The following AGO3 variants were observed in gnomAD, a reference collection of about 807,000 sequenced individuals.
AGO3 encodes protein argonaute-3.
AGO3 carries 16 observed loss-of-function variants against 105.5 expected under a neutral mutation model. The ratio of observed to expected loss-of-function variants is 0.15; its 90% CI spans 0.10 to 0.23. The LOEUF (loss-of-function observed/expected upper bound fraction) is 0.23, where lower values mean the gene tolerates loss of function less well. AGO3 is among the 10% of genes least tolerant of loss of function. AGO3 has a pLI of 1.00. For missense variants in AGO3, 534 were observed against 1,088.0 expected, an observed-to-expected ratio of 0.49 and a Z score of 7.16; for synonymous variants, 340 against 367.3, an observed-to-expected ratio of 0.93 and a Z score of 0.85.
intron 11 of AGO3, among the ~76,000 whole-genome samples, chr1:36,018,297 G>A (rs1641013902): frequency 6.6e-6 from 1 of 151,690 alleles, no homozygotes; most frequent in Non-Finnish European, 1.5e-5. Context: ...AAATTATGAT[G>A]TAGGTTAAGA....
rs1024653989 is a variant in AGO3 at position 35,931,356 on chromosome 1, C to A, written c.-71C>A. 58 of 1,366,612 alleles carry A rather than the reference C, an allele frequency of 4.2e-5. No homozygotes were observed. In the African/African-American group the frequency reaches 8.2e-4, roughly 19 times the overall value. 84.7% of individuals were successfully genotyped at this position (1,366,612 alleles called of 1,614,324 possible). On this transcript the variant is annotated 5_prime_UTR_variant, in exon 1 of 19. Coordinates refer to ENST00000373191, the MANE Select transcript of AGO3 (RefSeq NM_024852.4). ...TGCCCGTCGCGTCGCGCCGCGTCGC[C>A]CCCCGGGCCGCCTCCTTGCCGCCAG...
intron 5 of AGO3, among the ~76,000 whole-genome samples, chr1:36,002,710 T>A (rs1358286629): frequency 6.6e-6 from 1 of 151,954 alleles, no homozygotes; most frequent in Non-Finnish European, 1.5e-5. Context: ...CTGTTAAAGC[T>A]TTGAAAATAT....
At chr1:35,962,851 TTTC>T (rs1163264064) in intron 2 of AGO3, among the ~76,000 whole-genome samples, 1 of 152,234 alleles carries the variant, frequency 6.6e-6, no homozygotes, top group African/African-American at 2.4e-5. Context: ...TAGGAAAGTA[TTTC>T]TTAATACCTC....
intron 2 of AGO3, among the ~76,000 whole-genome samples, chr1:35,951,987 C>T (rs1646477471): frequency 6.6e-6 from 1 of 152,004 alleles, no homozygotes; most frequent in Non-Finnish European, 1.5e-5. Context: ...AATTTTAGAA[C>T]ATTTCATCCT....
Position 36,056,857 on chromosome 1 carries a change from T to G in AGO3, c.*1112T>G, listed in dbSNP as rs1416661980. The G allele has an allele frequency of 6.6e-6, 1 of 152,048 alleles. No individual in the cohort carries two copies. Among genetic ancestry groups the G allele is most frequent in the African/African-American group, 2.4e-5 (1 of 41,346 alleles). The allele number at this position is 152,048 out of a possible 1,614,324, so 9.4% of individuals were successfully genotyped here. A position where few individuals can be genotyped will look rare whatever the true frequency, so the allele number is the denominator to read the frequency against. ...CTCGGGTTCAAGCAATTCTCCTGCCTCAGCCTCCCGAGTAGCTGGGTTTAC... is the reference window on the plus strand; with the variant it reads ...CTCGGGTTCAAGCAATTCTCCTGCCGCAGCCTCCCGAGTAGCTGGGTTTAC... On this transcript the variant is annotated 3_prime_UTR_variant, in exon 19 of 19. Coordinates refer to ENST00000373191, the MANE Select transcript of AGO3 (RefSeq NM_024852.4).
At chr1:35,975,421 C>T (rs371735169) in intron 5 of AGO3, among the ~76,000 whole-genome samples, 2 of 151,874 alleles carry the variant, frequency 1.3e-5, no homozygotes, top group Admixed American at 6.6e-5. Flanking sequence ...TTGGATTTTT[C>T]GTCTTCTTAT....
intron 12 of AGO3, among the ~76,000 whole-genome samples, chr1:36,030,504 C>CAA (rs547766292): frequency 9.9e-5 from 7 of 70,454 alleles, no homozygotes; most frequent in African/African-American, 1.6e-4. Context: ...GACCCTTTCT[C>CAA]AAAAAAAAAA....
chr1:36,003,141 ATT>A (rs201615643), intron 5 of AGO3, among the ~76,000 whole-genome samples: 6 of 146,638 alleles, frequency 4.1e-5, no homozygotes, highest in African/African-American at 5.0e-5. Context: ...GACAGTGGGC[ATT>A]TTTTTTTTTT....
chr1:35,957,969 G>A (rs1429956413), intron 2 of AGO3, among the ~76,000 whole-genome samples: 2 of 152,144 alleles, frequency 1.3e-5, no homozygotes, highest in Non-Finnish European at 2.9e-5. Flanking sequence ...AGGAGGCTGA[G>A]GTGAGAGGAT....
Position 35,973,396 on chromosome 1 carries a change from A to C in AGO3, c.543A>C (p.Ser181=), listed in dbSNP as rs1206740956. The C allele has an allele frequency of 1.3e-6, 2 of 1,584,086 alleles. No individual in the cohort carries two copies. The highest frequency in any genetic ancestry group is 1.3e-5 in the African/African-American group (1 of 74,182). Residue 181 remains serine (S), a synonymous_variant, in exon 5 of 19, where the codon TCA becomes TCC. Transcript: ENST00000373191. Reference sequence around the variant, plus strand: ...GTAGATACACACCTGTGGGGCGTTCATTTTTCTCCGCTCCAGAAGGATATG... The same window carrying C: ...GTAGATACACACCTGTGGGGCGTTCCTTTTTCTCCGCTCCAGAAGGATATG... ...PSMKYTPVGR[S]FFSAPEGYDH...
At chr1:35,982,801 C>A in intron 5 of AGO3, 1 of 581,872 alleles carries the variant, frequency 1.7e-6, no homozygotes, top group East Asian at 2.9e-5. Flanking sequence ...AAAAAAAAAA[C>A]TTTGGGTGTA....
chr1:36,022,753 G>A (rs2148828953), intron 11 of AGO3, among the ~76,000 whole-genome samples: 2 of 152,134 alleles, frequency 1.3e-5, no homozygotes, highest in Admixed American at 1.3e-4. Flanking sequence ...CCAACATGGT[G>A]AAACCCCATC....
At chr1:35,995,209 A>AAAATATATATATAT (rs1237315557) in intron 5 of AGO3, among the ~76,000 whole-genome samples, 3 of 114,742 alleles carry the variant, frequency 2.6e-5, no homozygotes, top group African/African-American at 1.1e-4. Flanking sequence ...TAAAAAAAAA[A>AAAATATATATATAT]ATATATATAT....
chr1:36,054,289 T>A (rs1330023072), intron 17 of AGO3, among the ~76,000 whole-genome samples: 4 of 152,184 alleles, frequency 2.6e-5, no homozygotes, highest in South Asian at 2.1e-4. Context: ...TATTTATTTA[T>A]TGAGACAAAG....
At position 36,068,811 on chromosome 1, in the gene AGO3, A is replaced by G. The variant is rs951253330; in HGVS notation, c.*13066A>G. 1.3e-5 allele frequency: 2 copies of G among 152,244 alleles called. No homozygotes were observed. Among genetic ancestry groups the G allele is most frequent in the East Asian group, 1.9e-4 (1 of 5,200 alleles). The allele number at this position is 152,244 out of a possible 1,614,324, so 9.4% of individuals were successfully genotyped here. A position where few individuals can be genotyped will look rare whatever the true frequency, so the allele number is the denominator to read the frequency against. On this transcript the variant is annotated 3_prime_UTR_variant, in exon 19 of 19. Transcript: ENST00000373191. The stretch of plus-strand genomic sequence containing the variant: ...TATGTGCAAAATATTGTGTAAAAAT[A>G]GTTTAAAACTCATCCCAGTTCCTAG...
Position 36,013,769 on chromosome 1 carries a change from A to G in AGO3, c.1272+17A>G. 3.7e-6 allele frequency: 6 copies of G among 1,612,358 alleles called. No individual in the cohort carries two copies. The highest frequency in any genetic ancestry group is 5.1e-6 in the Non-Finnish European group (6 of 1,178,778). ...GGAGGACGGGTAAAGTCTCTTGTTA[A>G]TGTTTTAATCATACACATATTGTCT... On this transcript the variant is annotated intron_variant, in intron 10 of 18. Coordinates refer to ENST00000373191, the MANE Select transcript of AGO3 (RefSeq NM_024852.4).
At chr1:35,986,359 A>G (rs1647178175) in intron 5 of AGO3, among the ~76,000 whole-genome samples, 2 of 152,244 alleles carry the variant, frequency 1.3e-5, no homozygotes, top group African/African-American at 4.8e-5. Flanking sequence ...AGTTAAATAA[A>G]TGAACCAGAT....
In AGO3 at chr1:35,931,368, C is replaced by T; in HGVS notation, c.-59C>T. ...CGCGCCGCGTCGCCCCCCGGGCCGCCTCCTTGCCGCCAGTGGCGGGCTCCG... is the reference window on the plus strand; with the variant it reads ...CGCGCCGCGTCGCCCCCCGGGCCGCTTCCTTGCCGCCAGTGGCGGGCTCCG... On this transcript the variant is annotated 5_prime_UTR_variant, in exon 1 of 19. Coordinates refer to ENST00000373191, the MANE Select transcript of AGO3 (RefSeq NM_024852.4). 2 of 1,405,036 alleles carry T rather than the reference C, an allele frequency of 1.4e-6. No homozygotes were observed. The highest frequency in any genetic ancestry group is 3.3e-5 in the South Asian group (2 of 61,230). 87.0% of individuals were successfully genotyped at this position (1,405,036 alleles called of 1,614,324 possible). A position where few individuals can be genotyped will look rare whatever the true frequency, so the allele number is the denominator to read the frequency against.
rs568343751 is a variant in AGO3 at position 35,996,657 on chromosome 1, G to T, written c.659-7684G>T. On this transcript the variant is annotated intron_variant, in intron 5 of 18. Coordinates refer to ENST00000373191, the MANE Select transcript of AGO3 (RefSeq NM_024852.4). ...GTGGTGGTGGTCACCTATAGTCCCAGCTACTCAGGAAGCTGAGGCAGGAGA... is the reference window on the plus strand; with the variant it reads ...GTGGTGGTGGTCACCTATAGTCCCATCTACTCAGGAAGCTGAGGCAGGAGA... Among the ~76,000 whole-genome samples the T allele has an allele frequency of 1.5e-4, 23 of 151,804 alleles. 1 individual carries two copies. Among genetic ancestry groups the T allele is most frequent in the African/African-American group, 4.4e-4 (18 of 41,364 alleles).
Sources: gnomAD v4.1 joint callset for allele counts (sites outside exome capture counted in the v4.1 genomes callset) on GRCh38, gnomAD v4.1.1 for gene constraint, MANE v1.5 for transcripts, NCBI Gene and HGNC (gene_info 2026-07-23, HGNC 2026-07-21) for gene names.